Variants in LRRC4C observed in about 807,000 individuals in gnomAD.
LRRC4C encodes the protein leucine rich repeat containing 4C, also known as leucine-rich repeat-containing protein 4C.
LRRC4C carries 5 observed loss-of-function variants against 33.6 expected under a neutral mutation model. The observed-to-expected ratio is 0.15, with a 90% confidence interval of 0.08 to 0.31. The LOEUF is 0.31. Ranked by LOEUF, LRRC4C falls within the 10% of genes least tolerant of loss-of-function variation. The pLI is 1.00. For synonymous variants in LRRC4C, 329 were observed against 302.0 expected, an observed-to-expected ratio of 1.09 and a Z score of -0.93; for missense variants, 560 against 796.7, an observed-to-expected ratio of 0.70 and a Z score of 3.58.
chr11:41,027,451 G>A (rs961192750), intron 1 of LRRC4C, among the ~76,000 whole-genome samples: 1 of 151,572 alleles, frequency 6.6e-6, no homozygotes, highest in East Asian at 1.9e-4. Flanking sequence ...GCACTCAGAA[G>A]GTTATGAAAT....
intron 3 of LRRC4C, among the ~76,000 whole-genome samples, chr11:40,631,622 C>T (rs1428036011): frequency 1.3e-5 from 2 of 152,044 alleles, no homozygotes; most frequent in African/African-American, 2.4e-5. Context: ...TCACTCTATC[C>T]TGACACATGA....
At chr11:40,751,218 T>C (rs920488300) in intron 2 of LRRC4C, among the ~76,000 whole-genome samples, 5 of 152,182 alleles carry the variant, frequency 3.3e-5, no homozygotes, top group African/African-American at 1.2e-4. Flanking sequence ...AAGACAAGAA[T>C]GACCACTTTT....
chr11:40,550,469 A>G (rs1054429939), intron 3 of LRRC4C, among the ~76,000 whole-genome samples: 1 of 152,210 alleles, frequency 6.6e-6, no homozygotes, highest in Non-Finnish European at 1.5e-5. Flanking sequence ...AAGCATATGC[A>G]TTGCAAACAT....
intron 1 of LRRC4C, among the ~76,000 whole-genome samples, chr11:40,972,359 A>G (rs949401706): frequency 3.4e-4 from 52 of 151,380 alleles, no homozygotes; most frequent in African/African-American, 1.2e-3. Flanking sequence ...CTGGTCTTGA[A>G]CTCCTGTTCT....
chr11:41,027,098 G>C (rs952088510), intron 1 of LRRC4C, among the ~76,000 whole-genome samples: 2 of 151,566 alleles, frequency 1.3e-5, no homozygotes, highest in African/African-American at 4.8e-5. Context: ...AATGTAGCAA[G>C]TGCCTAATTC....
intron 3 of LRRC4C, among the ~76,000 whole-genome samples, chr11:40,488,530 T>A (rs973716310): frequency 2.6e-5 from 4 of 152,134 alleles, no homozygotes; most frequent in Non-Finnish European, 4.4e-5. Flanking sequence ...AACTTTGTTA[T>A]TCTGTAGTGA....
chr11:41,377,499 AAAC>A (rs2137848927), intron 1 of LRRC4C, among the ~76,000 whole-genome samples: 1 of 152,298 alleles, frequency 6.6e-6, no homozygotes, highest in East Asian at 1.9e-4. Flanking sequence ...ATCAGGAAAA[AAAC>A]AACGATAACC....
In LRRC4C at chr11:40,519,073, C is replaced by T. The variant is rs970180641; in HGVS notation, c.-270+129069G>A. Among the ~76,000 whole-genome samples, 11 of 152,098 alleles carry T rather than the reference C, an allele frequency of 7.2e-5. No homozygotes were observed. In the East Asian group the frequency reaches 1.7e-3, roughly 24 times the overall value. On this transcript the variant is annotated intron_variant, in intron 3 of 6. Coordinates refer to ENST00000528697, the MANE Select transcript of LRRC4C (RefSeq NM_001258419.2). ...CATGGACACAGGGAGGGGAACATCA[C>T]ACACCAGGGCCTGTTGGGGAGTGGG...
intron 1 of LRRC4C, among the ~76,000 whole-genome samples, chr11:41,245,990 G>A (rs1265887982): frequency 6.6e-6 from 1 of 152,068 alleles, no homozygotes; most frequent in Non-Finnish European, 1.5e-5. Flanking sequence ...CCTGGAAAAG[G>A]CACCGTAAGT....
intron 1 of LRRC4C, among the ~76,000 whole-genome samples, chr11:41,445,253 A>T (rs1372708831): frequency 6.6e-6 from 1 of 152,130 alleles, no homozygotes; most frequent in African/African-American, 2.4e-5. Flanking sequence ...AAACACTGTA[A>T]TCTCTCAAGA....
rs1590586143 is a variant in LRRC4C, at chr11:41,101,994, A to G, written c.-495-168271T>C. On this transcript the variant is annotated intron_variant, in intron 1 of 6. Coordinates refer to ENST00000528697, the MANE Select transcript of LRRC4C (RefSeq NM_001258419.2). ...TGGGGCCTACTTGAGGGTAAAGAGT[A>G]GGAGAAGAAAGAAGAACAGAAAAAA... Among the ~76,000 whole-genome samples, 2 of 152,098 alleles carry G rather than the reference A, an allele frequency of 1.3e-5. 1 individual carries two copies. Among genetic ancestry groups the G allele is most frequent in the East Asian group, 3.9e-4 (2 of 5,190 alleles).
chr11:40,376,155 C>T (rs539975745), intron 3 of LRRC4C, among the ~76,000 whole-genome samples: 2 of 152,158 alleles, frequency 1.3e-5, no homozygotes, highest in South Asian at 2.1e-4. Flanking sequence ...TCCATGTTCA[C>T]AAAAATGTTT....
At chr11:40,118,078 T>C (rs1855566729) in intron 6 of LRRC4C, among the ~76,000 whole-genome samples, 1 of 148,638 alleles carries the variant, frequency 6.7e-6, no homozygotes, top group African/African-American at 2.4e-5. Flanking sequence ...TAATCATATA[T>C]TTAGATTTAT....
At chr11:40,604,555 G>A (rs1960364599) in intron 3 of LRRC4C, among the ~76,000 whole-genome samples, 1 of 151,962 alleles carries the variant, frequency 6.6e-6, no homozygotes, top group South Asian at 2.1e-4. Context: ...ATAAAATCTG[G>A]TTTGAGTTTA....
chr11:40,782,857 C>T (rs1372385718), intron 2 of LRRC4C, among the ~76,000 whole-genome samples: 2 of 151,962 alleles, frequency 1.3e-5, no homozygotes, highest in Non-Finnish European at 2.9e-5. Context: ...TACAGATGTA[C>T]ACACATGTGT....
rs11035970 is a variant in LRRC4C at position 40,625,917 on chromosome 11, C to T, written c.-270+22225G>A. On this transcript the variant is annotated intron_variant, in intron 3 of 6. Coordinates refer to ENST00000528697, the MANE Select transcript of LRRC4C (RefSeq NM_001258419.2). Reference sequence around the variant, plus strand: ...TAAGGAGACCTTCCTCTTCCTCTCACCAAGTCTAATCTCAAAAGAGCAGCC... The same window carrying T: ...TAAGGAGACCTTCCTCTTCCTCTCATCAAGTCTAATCTCAAAAGAGCAGCC... Among the ~76,000 whole-genome samples the T allele has an allele frequency of 2.9e-3, 449 of 152,238 alleles. 1 individual carries two copies. Among genetic ancestry groups the T allele is most frequent in the African/African-American group, 0.01 (433 of 41,560 alleles).
At chr11:40,743,805 AT>A (rs1294722501) in intron 2 of LRRC4C, among the ~76,000 whole-genome samples, 2 of 151,728 alleles carry the variant, frequency 1.3e-5, no homozygotes, top group Non-Finnish European at 2.9e-5. Flanking sequence ...TTCAACTCTC[AT>A]TTTTTCCCTA....
At chr11:40,586,727 A>T (rs1223683711) in intron 3 of LRRC4C, among the ~76,000 whole-genome samples, 1 of 150,634 alleles carries the variant, frequency 6.6e-6, no homozygotes, top group East Asian at 1.9e-4. Context: ...TTTATTAAAT[A>T]GGGAAGCCTT....
Position 40,651,933 on chromosome 11 carries a change from G to T in LRRC4C, c.-406-3655C>A, listed in dbSNP as rs56790235. 1.7e-4 allele frequency among the ~76,000 whole-genome samples: 26 copies of T among 152,274 alleles called. No individual in the cohort carries two copies. In the East Asian group the frequency reaches 3.9e-3, roughly 23 times the overall value. On this transcript the variant is annotated intron_variant, in intron 2 of 6. Coordinates refer to ENST00000528697, the MANE Select transcript of LRRC4C (RefSeq NM_001258419.2). The stretch of plus-strand genomic sequence containing the variant: ...GTTCTGTCATTGATAAATGAGCTAT[G>T]AAAAGTCTTTAATGTCTGTTCATTT...
Sources: gnomAD v4.1 joint callset for allele counts (sites outside exome capture counted in the v4.1 genomes callset) on GRCh38, gnomAD v4.1.1 for gene constraint, MANE v1.5 for transcripts, NCBI Gene and HGNC (gene_info 2026-07-23, HGNC 2026-07-21) for gene names.